The following ENPP2 variants were observed in gnomAD, a reference collection of about 807,000 sequenced individuals.
The protein encoded by ENPP2 is ectonucleotide pyrophosphatase/phosphodiesterase 2, also known as autotaxin.
In ENPP2, 51 loss-of-function variants were observed where a neutral mutation model predicts 120.2. The ratio of observed to expected loss-of-function variants is 0.42; its 90% CI spans 0.34 to 0.54. ENPP2 has a LOEUF of 0.54. Among genes scored for constraint, ENPP2 ranks in the 20% least tolerant of loss-of-function variants. The pLI is 0.04. For synonymous variants in ENPP2, 365 were observed against 366.4 expected (o/e 1.00, Z 0.04); for missense variants, 920 against 1,066.5 (o/e 0.86, Z 1.91).
Position 119,557,410 on chromosome 8 carries a change from C to G in ENPP2, c.*111G>C. Reference sequence around the variant, plus strand: ...CAGGCATAATATGTCAGATTTGGTACAGGATTAAAATACTAACATTTTTAA... The same window carrying G: ...CAGGCATAATATGTCAGATTTGGTAGAGGATTAAAATACTAACATTTTTAA... On this transcript the variant is annotated 3_prime_UTR_variant, in exon 25 of 25. Transcript: ENST00000075322. 1.2e-6 allele frequency: 1 copy of G among 866,378 alleles called. No individual in the cohort carries two copies. The highest frequency in any genetic ancestry group is 2.7e-5 in the Admixed American group (1 of 36,390). The allele number at this position is 866,378 out of a possible 1,614,324, so 53.7% of individuals were successfully genotyped here. A position where few individuals can be genotyped will look rare whatever the true frequency, so the allele number is the denominator to read the frequency against.
chr8:119,663,110 C>A (rs1287039751), intron 1 of ENPP2, among the ~76,000 whole-genome samples: 5 of 131,318 alleles, frequency 3.8e-5, no homozygotes, highest in Middle Eastern at 4.2e-3. Context: ...CAGTGAGAGA[C>A]TCTTGTCTCA....
At chr8:119,650,299 A>G (rs996896093) in intron 1 of ENPP2, among the ~76,000 whole-genome samples, 1 of 152,198 alleles carries the variant, frequency 6.6e-6, no homozygotes, top group Non-Finnish European at 1.5e-5. Flanking sequence ...CCCACAGGGG[A>G]TAAAAGGTCA....
At chr8:119,665,853 A>G (rs964898034) in intron 1 of ENPP2, among the ~76,000 whole-genome samples, 1 of 152,184 alleles carries the variant, frequency 6.6e-6, no homozygotes, top group Non-Finnish European at 1.5e-5. Context: ...TTAGAAAAAT[A>G]TAAATGTCCC....
At chr8:119,562,659 C>T (rs1361792058) in intron 24 of ENPP2, among the ~76,000 whole-genome samples, 198 bp downstream of exon 24, 1 of 152,062 alleles carries the variant, frequency 6.6e-6, no homozygotes, top group Non-Finnish European at 1.5e-5. Context: ...TAAATGCACA[C>T]ATATATTGAA....
intron 10 of ENPP2, 137 bp from the exon 11 acceptor site, chr8:119,600,887 G>T: frequency 1.7e-6 from 1 of 584,174 alleles, no homozygotes; most frequent in East Asian, 3.1e-5. Flanking sequence ...ATGTTAGCAT[G>T]AAAAACTTTT....
chr8:119,670,957 A>G (rs1818224844), intron 1 of ENPP2, among the ~76,000 whole-genome samples: 1 of 152,124 alleles, frequency 6.6e-6, no homozygotes, highest in Admixed American at 6.5e-5. Context: ...GACTTTTCCA[A>G]AATGAACTGC....
intron 22 of ENPP2, among the ~76,000 whole-genome samples, chr8:119,565,187 G>A (rs959730421): frequency 1.3e-5 from 2 of 152,066 alleles, no homozygotes; most frequent in African/African-American, 2.4e-5. Context: ...GGAGTTTAAC[G>A]TAGTTCAAAA....
intron 1 of ENPP2, among the ~76,000 whole-genome samples, chr8:119,650,728 T>G (rs1354622982): frequency 6.6e-6 from 1 of 152,158 alleles, no homozygotes; most frequent in African/African-American, 2.4e-5. Context: ...GATGAAACCC[T>G]CTGCATCCCC....
intron 23 of ENPP2, among the ~76,000 whole-genome samples, chr8:119,563,706 A>C (rs72688210): frequency 0.096 from 14,562 of 152,044 alleles, 1,118 homozygotes; most frequent in African/African-American, 0.19. Flanking sequence ...TTCATTTTCC[A>C]AATATTAAAA....
chr8:119,565,090 G>A, intron 22 of ENPP2, 135 bp from the exon 23 acceptor site: 1 of 665,606 alleles, frequency 1.5e-6, no homozygotes, highest in Non-Finnish European at 2.5e-6. Context: ...TGATTCATGA[G>A]ATGAATCAAT....
At chr8:119,662,096 G>A (rs1817936774) in intron 1 of ENPP2, among the ~76,000 whole-genome samples, 1 of 152,082 alleles carries the variant, frequency 6.6e-6, no homozygotes, top group South Asian at 2.1e-4. Context: ...AGGAGGACTA[G>A]GTTCTCAAAC....
intron 19 of ENPP2, among the ~76,000 whole-genome samples, chr8:119,579,697 C>T (rs973807592): frequency 1.3e-5 from 2 of 151,744 alleles, no homozygotes; most frequent in African/African-American, 2.4e-5. Context: ...TTGATTCCTT[C>T]GGTGAATCTC....
At chr8:119,568,432 C>CA (rs1207583597) in intron 21 of ENPP2, among the ~76,000 whole-genome samples, 180 bp from the exon 22 acceptor site, 1 of 152,108 alleles carries the variant, frequency 6.6e-6, no homozygotes, top group East Asian at 1.9e-4. Context: ...CCCTCCCACT[C>CA]AGTCTCTTCT....
At position 119,653,557 on chromosome 8, in the gene ENPP2, A is replaced by G. The variant is rs115089657; in HGVS notation, c.22-15030T>C. Among the ~76,000 whole-genome samples the G allele has an allele frequency of 9.9e-3, 1,501 of 152,290 alleles. 24 individuals carry two copies. Among genetic ancestry groups the G allele is most frequent in the African/African-American group, 0.034 (1,398 of 41,568 alleles). On this transcript the variant is annotated intron_variant, in intron 1 of 25. Coordinates refer to the ENPP2 transcript ENST00000427067. ...AAGGCCCTGAAGTAGGAGCAGCCCA[A>G]TGTGCTCAGTGAGGCCAGTGTGGCT... is the stretch of plus-strand genomic sequence containing the variant.
chr8:119,568,099 G>A, intron 22 of ENPP2, 76 bp downstream of exon 22: 1 of 789,224 alleles, frequency 1.3e-6, no homozygotes, highest in South Asian at 1.5e-5. Flanking sequence ...ATTAACAGAG[G>A]TAGAAAAGGT....
At chr8:119,669,172 C>A (rs1312743203) in intron 1 of ENPP2, among the ~76,000 whole-genome samples, 1 of 152,184 alleles carries the variant, frequency 6.6e-6, no homozygotes, top group Non-Finnish European at 1.5e-5. Context: ...TAGCATGCCA[C>A]TAAAGACATT....
intron 9 of ENPP2, among the ~76,000 whole-genome samples, chr8:119,607,150 C>T (rs563689201): frequency 5.6e-4 from 85 of 152,234 alleles, no homozygotes; most frequent in Admixed American, 6.5e-4. Context: ...AATCTCTAGA[C>T]GACTCCTTCG....
At chr8:119,616,796 T>C (rs993507851) in intron 7 of ENPP2, among the ~76,000 whole-genome samples, 3 of 152,152 alleles carry the variant, frequency 2.0e-5, no homozygotes, top group Non-Finnish European at 4.4e-5. Context: ...TAAATTATGT[T>C]TTAAAGAAGG....
rs140495261 is a variant in ENPP2, at chr8:119,603,243, T to A, written c.834-1781A>T. On this transcript the variant is annotated intron_variant, in intron 9 of 24. Coordinates refer to ENST00000075322, the MANE Select transcript of ENPP2 (RefSeq NM_001040092.3). ...TTCCTGTTTAAAAAAAAAAAGTGAA[T>A]GCCAGAGCCTTTTCATTATACTTTA... Among the ~76,000 whole-genome samples, 718 of 150,766 alleles carry A rather than the reference T, an allele frequency of 4.8e-3. 2 individuals carry two copies. Among genetic ancestry groups the A allele is most frequent in the Non-Finnish European group, 7.6e-3 (512 of 67,798 alleles).
Sources: gnomAD v4.1 joint callset for allele counts (sites outside exome capture counted in the v4.1 genomes callset) on GRCh38, gnomAD v4.1.1 for gene constraint, MANE v1.5 for transcripts, NCBI Gene and HGNC (gene_info 2026-07-23, HGNC 2026-07-21) for gene names.